BCAS1: variants seen among roughly 807,000 people sequenced by gnomAD.
BCAS1 encodes brain enriched myelin associated protein 1.
BCAS1 carries 46 observed loss-of-function variants against 65.4 expected under a neutral mutation model. That is an observed-to-expected ratio of 0.70 (90% CI 0.55 to 0.90). The LOEUF (loss-of-function observed/expected upper bound fraction) is 0.90. Ranked by LOEUF, BCAS1 falls within the 40% of genes least tolerant of loss-of-function variation. BCAS1 has a pLI of 0.00. For synonymous variants in BCAS1, 298 were observed against 293.5 expected (o/e 1.02, Z -0.16); for missense variants, 793 against 771.2 (o/e 1.03, Z -0.33).
chr20:54,025,912 G>A lies in BCAS1; in HGVS notation c.723+2480C>T, dbSNP rs79796487. Among the ~76,000 whole-genome samples, 464 of 152,306 alleles carry A rather than the reference G, an allele frequency of 3.0e-3. 2 individuals carry two copies. Among genetic ancestry groups the A allele is most frequent in the African/African-American group, 0.011 (445 of 41,554 alleles). On this transcript the variant is annotated intron_variant, in intron 4 of 12. Transcript: ENST00000688948. ...GAAAAGAAACCTTGACAATCAGAAG[G>A]CTGTTTTGTTGTTGTTGTTAAAAAC...
chr20:53,992,842 A>AT (rs2090798586), intron 6 of BCAS1, among the ~76,000 whole-genome samples, 196 bp from the exon 7 acceptor site: 1 of 152,170 alleles, frequency 6.6e-6, no homozygotes, highest in Admixed American at 6.5e-5. Context: ...ATATACAGTG[A>AT]TTTTCAACAG....
chr20:54,000,332 G>A (rs2091027226), intron 4 of BCAS1, among the ~76,000 whole-genome samples: 1 of 150,918 alleles, frequency 6.6e-6, no homozygotes, highest in African/African-American at 2.5e-5. Context: ...TGGCAAGACT[G>A]AGAATTATAT....
At chr20:53,970,751 G>A (rs911246534) in intron 9 of BCAS1, among the ~76,000 whole-genome samples, 1 of 152,148 alleles carries the variant, frequency 6.6e-6, no homozygotes, top group Non-Finnish European at 1.5e-5. Flanking sequence ...TGGTTATACA[G>A]TTTTTACTAG....
chr20:53,985,553 A>C lies in BCAS1; in HGVS notation c.1063-54T>G, dbSNP rs1293678391. The C allele has an allele frequency of 2.6e-6, 4 of 1,513,798 alleles. No homozygotes were observed. In the Admixed American group the frequency reaches 5.2e-5, roughly 20 times the overall value. 93.8% of individuals were successfully genotyped at this position (1,513,798 alleles called of 1,614,324 possible). On this transcript the variant is annotated intron_variant, in intron 7 of 12. Transcript: ENST00000688948. ...ACATTCAAAATGGTCTCAAAATTTTAAAAATGGAAGATCTCTTTTTAATAA... is the reference window on the plus strand; with the variant it reads ...ACATTCAAAATGGTCTCAAAATTTTCAAAATGGAAGATCTCTTTTTAATAA...
chr20:54,059,273 T>C (rs753170360), intron 1 of BCAS1, among the ~76,000 whole-genome samples: 6 of 152,232 alleles, frequency 3.9e-5, no homozygotes, highest in Non-Finnish European at 8.8e-5. Flanking sequence ...TTCAACAGAA[T>C]TAAAGTTAAA....
intron 12 of BCAS1, among the ~76,000 whole-genome samples, chr20:53,947,669 C>T (rs1319451780): frequency 6.6e-6 from 1 of 152,152 alleles, no homozygotes; most frequent in African/African-American, 2.4e-5. Flanking sequence ...CAAATTCCTG[C>T]CAGTAAGTGG....
chr20:53,965,242 T>G (rs1410964325), intron 10 of BCAS1, among the ~76,000 whole-genome samples: 1 of 152,232 alleles, frequency 6.6e-6, no homozygotes, highest in Non-Finnish European at 1.5e-5. Context: ...CTAACATAAT[T>G]ATTTCTAATA....
chr20:53,974,766 C>T (rs1047165762), intron 9 of BCAS1, among the ~76,000 whole-genome samples: 2 of 152,198 alleles, frequency 1.3e-5, no homozygotes, highest in South Asian at 2.1e-4. Flanking sequence ...CTGGAAGCTA[C>T]GTTTTTGTGA....
chr20:54,029,082 G>A, intron 3 of BCAS1, 110 bp from the exon 4 acceptor site: 1 of 1,452,146 alleles, frequency 6.9e-7, no homozygotes, highest in East Asian at 2.5e-5. Flanking sequence ...TACTGGAACT[G>A]TGTTGTTCTC....
At chr20:54,044,600 G>A (rs1317208209) in intron 3 of BCAS1, among the ~76,000 whole-genome samples, 1 of 152,196 alleles carries the variant, frequency 6.6e-6, no homozygotes, top group Non-Finnish European at 1.5e-5. Context: ...CACTTTGGGA[G>A]GCCAAGGTGG....
At chr20:54,031,716 TA>T (rs1004062342) in intron 3 of BCAS1, among the ~76,000 whole-genome samples, 9 of 151,346 alleles carry the variant, frequency 5.9e-5, no homozygotes, top group Admixed American at 5.9e-4. Flanking sequence ...TAGCATTACA[TA>T]AGCCAATAAA....
rs879781278 is a variant in BCAS1, at chr20:53,946,520, T to TATATATAC, written c.1816-1525_1816-1524insGTATATAT. On this transcript the variant is annotated intron_variant, in intron 12 of 12. Transcript: ENST00000688948. ...ATTGTATACAGTATATATATATATA[T>TATATATAC]ACACACACACATAGAGAGAGTATAG... 2.4e-4 allele frequency among the ~76,000 whole-genome samples: 30 copies of TATATATAC among 125,934 alleles called. 1 individual carries two copies. The highest frequency in any genetic ancestry group is 1.8e-3 in the East Asian group (9 of 5,124). 82.6% of individuals were successfully genotyped at this position (125,934 alleles called of 152,430 possible).
At chr20:53,976,486 A>G (rs1271845659) in intron 8 of BCAS1, among the ~76,000 whole-genome samples, 1 of 151,968 alleles carries the variant, frequency 6.6e-6, no homozygotes, top group African/African-American at 2.4e-5. Flanking sequence ...TTACAAATGT[A>G]TCTTCTGCAC....
chr20:53,989,828 C>T (rs2090708719), intron 7 of BCAS1, among the ~76,000 whole-genome samples: 1 of 152,116 alleles, frequency 6.6e-6, no homozygotes, highest in Admixed American at 6.5e-5. Flanking sequence ...TGAGATATTC[C>T]ATTAAATATT....
chr20:54,057,998 A>ATTTT, intron 3 of BCAS1, 87 bp downstream of exon 3: 13 of 825,040 alleles, frequency 1.6e-5, no homozygotes, highest in Non-Finnish European at 2.1e-5. Flanking sequence ...CGACCCTTTC[A>ATTTT]TTTTTTTTTT....
chr20:54,040,288 G>T (rs1296937756), intron 3 of BCAS1, among the ~76,000 whole-genome samples: 3 of 151,280 alleles, frequency 2.0e-5, no homozygotes, highest in Admixed American at 6.6e-5. Flanking sequence ...CACATTTCCA[G>T]CAGCAATGAG....
chr20:53,972,263 C>G (rs1282677504), intron 9 of BCAS1, among the ~76,000 whole-genome samples: 2 of 152,172 alleles, frequency 1.3e-5, no homozygotes, highest in Non-Finnish European at 2.9e-5. Flanking sequence ...AATGCCTTCT[C>G]TCTTATTTAA....
chr20:54,000,071 C>G (rs1034700507), intron 4 of BCAS1, among the ~76,000 whole-genome samples: 1 of 152,196 alleles, frequency 6.6e-6, no homozygotes, highest in Admixed American at 6.5e-5. Flanking sequence ...TACCACTCTA[C>G]TTTAAGTTGC....
intron 3 of BCAS1, among the ~76,000 whole-genome samples, chr20:54,040,972 A>C (rs1248659141): frequency 1.3e-5 from 2 of 151,504 alleles, no homozygotes; most frequent in African/African-American, 2.4e-5. Context: ...TAGCATTTGC[A>C]TATAATAGAG....
Sources: gnomAD v4.1 joint callset for allele counts (sites outside exome capture counted in the v4.1 genomes callset) on GRCh38, gnomAD v4.1.1 for gene constraint, MANE v1.5 for transcripts, NCBI Gene and HGNC (gene_info 2026-07-23, HGNC 2026-07-21) for gene names.